AGBL4: variants seen among roughly 807,000 people sequenced by gnomAD.
The protein encoded by AGBL4 is AGBL carboxypeptidase 4.
AGBL4 carries 58 observed loss-of-function variants against 66.4 expected under a neutral mutation model. The ratio of observed to expected loss-of-function variants is 0.87; its 90% CI spans 0.71 to 1.09. The LOEUF is 1.09. Ranked by LOEUF, AGBL4 falls within the 50% of genes least tolerant of loss-of-function variation. The probability of loss-of-function intolerance (pLI) is 0.00; values close to 1 mark genes in which losing one functional copy is unlikely to be tolerated. For synonymous variants in AGBL4, 234 were observed against 222.9 expected (o/e 1.05, Z -0.44); for missense variants, 579 against 631.0 (o/e 0.92, Z 0.88).
At chr1:49,966,027 T>C (rs1657533420) in intron 1 of AGBL4, among the ~76,000 whole-genome samples, 1 of 151,246 alleles carries the variant, frequency 6.6e-6, no homozygotes, top group East Asian at 2.0e-4. Context: ...CTGCAAGCTC[T>C]GCCTTCCGGG....
At chr1:50,001,299 C>T (rs1164449006) in intron 1 of AGBL4, among the ~76,000 whole-genome samples, 2 of 150,958 alleles carry the variant, frequency 1.3e-5, no homozygotes, top group South Asian at 2.1e-4. Flanking sequence ...ACTAAGTAAA[C>T]CCAAATTAAG....
At chr1:49,333,718 A>T (rs1057020399) in intron 3 of AGBL4, among the ~76,000 whole-genome samples, 1 of 152,210 alleles carries the variant, frequency 6.6e-6, no homozygotes, top group African/African-American at 2.4e-5. Context: ...AGTCCTTATA[A>T]TAAATTTAAA....
chr1:49,286,761 C>G (rs1570343833), intron 3 of AGBL4, among the ~76,000 whole-genome samples: 2 of 152,118 alleles, frequency 1.3e-5, no homozygotes, highest in East Asian at 3.9e-4. Flanking sequence ...TAGGAAGAAT[C>G]AATATCGTGA....
chr1:49,706,678 G>T (rs909702454), intron 2 of AGBL4, among the ~76,000 whole-genome samples: 4 of 152,064 alleles, frequency 2.6e-5, no homozygotes, highest in Non-Finnish European at 5.9e-5. Flanking sequence ...TCTCATGAGG[G>T]CATTTAGTGC....
chr1:48,743,085 C>A (rs11205534), intron 6 of AGBL4, among the ~76,000 whole-genome samples: 47,512 of 151,920 alleles, frequency 0.31, 8,350 homozygotes, highest in East Asian at 0.71. Context: ...TTCTGTTACG[C>A]CTGGGTTGGA....
rs769100729 is a variant in AGBL4, at chr1:48,736,342, T to C, written c.635-73101A>G. On this transcript the variant is annotated intron_variant, in intron 6 of 13. Coordinates refer to ENST00000371839, the MANE Select transcript of AGBL4 (RefSeq NM_032785.4). The surrounding 1 kb of genome is among the most constrained non-coding windows in gnomAD (Gnocchi z 4.0). ...TGACGCTTCTGTTTTTCAGAACATCTGTTCCCCAAATCATAACTGCCAAGT... is the reference window on the plus strand; with the variant it reads ...TGACGCTTCTGTTTTTCAGAACATCCGTTCCCCAAATCATAACTGCCAAGT... 6.8e-6 allele frequency: 11 copies of C among 1,614,194 alleles called. No individual in the cohort carries two copies. The highest frequency in any genetic ancestry group is 1.3e-5 in the African/African-American group (1 of 75,042).
intron 3 of AGBL4, among the ~76,000 whole-genome samples, chr1:49,512,428 G>T (rs1298836658): frequency 6.6e-6 from 1 of 151,972 alleles, no homozygotes; most frequent in East Asian, 1.9e-4. Context: ...AATGTTGGAG[G>T]TGGGGCCTGG....
chr1:49,603,120 C>T lies in AGBL4; in HGVS notation c.282+94193G>A, dbSNP rs545345237. The stretch of plus-strand genomic sequence containing the variant: ...CGACTCCAGCTAAGCCTTTCAAACC[C>T]CTGCTCCTAGCAGCTACTTCCTGAG... On this transcript the variant is annotated intron_variant, in intron 3 of 13. Coordinates refer to ENST00000371839, the MANE Select transcript of AGBL4 (RefSeq NM_032785.4). Among the ~76,000 whole-genome samples the T allele has an allele frequency of 9.9e-5, 15 of 152,188 alleles. No homozygotes were observed. In the East Asian group the frequency reaches 2.5e-3, roughly 25 times the overall value.
intron 11 of AGBL4, among the ~76,000 whole-genome samples, chr1:48,542,074 G>A (rs563960648): frequency 1.3e-5 from 2 of 152,224 alleles, no homozygotes; most frequent in South Asian, 2.1e-4. Flanking sequence ...TTCCACTTAT[G>A]AGTGAGAACA....
chr1:48,931,303 G>C (rs1056148832), intron 5 of AGBL4, among the ~76,000 whole-genome samples: 1 of 152,132 alleles, frequency 6.6e-6, no homozygotes, highest in Non-Finnish European at 1.5e-5. Flanking sequence ...TTGGGAGCTA[G>C]ACAAATTCTT....
At position 49,508,965 on chromosome 1, in the gene AGBL4, T is replaced by G. The variant is rs764592038; in HGVS notation, c.282+188348A>C. Among the ~76,000 whole-genome samples the G allele has an allele frequency of 3.4e-4, 52 of 151,932 alleles. 2 individuals carry two copies. The highest frequency in any genetic ancestry group is 6.9e-4 in the Non-Finnish European group (47 of 67,918). On this transcript the variant is annotated intron_variant, in intron 3 of 13. Transcript: ENST00000371839. The stretch of plus-strand genomic sequence containing the variant: ...ATACAGAGAAGAAAAACATGATCCC[T>G]GCTTAAAGTACTTATCATCTAGTAG...
intron 2 of AGBL4, among the ~76,000 whole-genome samples, chr1:49,812,155 G>A (rs1645115685): frequency 6.6e-6 from 1 of 152,148 alleles, no homozygotes; most frequent in South Asian, 2.1e-4. Flanking sequence ...AGAAAAAATA[G>A]AAAATTATAG....
At chr1:49,016,470 T>C (rs1412283454) in intron 5 of AGBL4, among the ~76,000 whole-genome samples, 1 of 152,194 alleles carries the variant, frequency 6.6e-6, no homozygotes, top group Non-Finnish European at 1.5e-5. Flanking sequence ...ATGCATTAAA[T>C]ATTTAGTACT....
chr1:48,879,171 A>T (rs72891902), intron 5 of AGBL4, among the ~76,000 whole-genome samples: 1,758 of 152,082 alleles, frequency 0.012, 32 homozygotes, highest in African/African-American at 0.039. Context: ...CTTTTGTTAC[A>T]TGGAGAAAGC....
At chr1:49,398,116 A>G (rs775625270) in intron 3 of AGBL4, among the ~76,000 whole-genome samples, 1 of 152,198 alleles carries the variant, frequency 6.6e-6, no homozygotes, top group Non-Finnish European at 1.5e-5. Flanking sequence ...TATATGTGTC[A>G]ATTGACTAGG....
intron 3 of AGBL4, among the ~76,000 whole-genome samples, chr1:49,570,453 G>A (rs1196140971): frequency 6.6e-6 from 1 of 151,974 alleles, no homozygotes; most frequent in Non-Finnish European, 1.5e-5. Context: ...GAGTTTTGTT[G>A]TGGTTTTTTG....
At position 48,618,982 on chromosome 1, in the gene AGBL4, T is replaced by C. The variant is rs1645365345; in HGVS notation, c.951+15511A>G. Among the ~76,000 whole-genome samples the C allele has an allele frequency of 4.6e-5, 7 of 151,668 alleles. 1 individual carries two copies. Among genetic ancestry groups the C allele is most frequent in the Admixed American group, 4.6e-4 (7 of 15,230 alleles). On this transcript the variant is annotated intron_variant, in intron 9 of 13. Transcript: ENST00000371839. ...GGAAATCAATAGAATTTCTCCTTTC[T>C]AGGTTGGCTGCTTCCATGCATTTTA...
At chr1:49,032,041 A>C (rs1158662662) in intron 5 of AGBL4, among the ~76,000 whole-genome samples, 1 of 152,192 alleles carries the variant, frequency 6.6e-6, no homozygotes, top group East Asian at 1.9e-4. Context: ...GCAAATGGCA[A>C]TAGAGAAAGA....
At chr1:49,308,413 A>G (rs1644886605) in intron 3 of AGBL4, among the ~76,000 whole-genome samples, 1 of 152,136 alleles carries the variant, frequency 6.6e-6, no homozygotes, top group Admixed American at 6.6e-5. Flanking sequence ...ACTGTAAGTC[A>G]CCAGAGAGTT....
Sources: allele counts gnomAD v4.1 joint callset (sites outside exome capture counted in the v4.1 genomes callset), GRCh38; gene constraint gnomAD v4.1.1; non-coding constraint Gnocchi (gnomAD v3.1); transcripts MANE v1.5; gene names NCBI Gene and HGNC (gene_info 2026-07-23, HGNC 2026-07-21).